FRMD3: variants seen among roughly 807,000 people sequenced by gnomAD.
FRMD3 encodes FERM domain containing 3.
FRMD3 carries 33 observed loss-of-function variants against 70.2 expected under a neutral mutation model. That is an observed-to-expected ratio of 0.47 (90% CI 0.36 to 0.63). FRMD3 has a LOEUF of 0.63. Among genes scored for constraint, FRMD3 ranks in the 20% least tolerant of loss-of-function variants. The probability of loss-of-function intolerance (pLI) is 0.00; values close to 1 mark genes in which losing one functional copy is unlikely to be tolerated. For synonymous variants in FRMD3, 279 were observed against 255.9 expected, an observed-to-expected ratio of 1.09 and a Z score of -0.86; for missense variants, 632 against 711.4, an observed-to-expected ratio of 0.89 and a Z score of 1.27.
intron 1 of FRMD3, among the ~76,000 whole-genome samples, chr9:83,520,322 T>C (rs1395165529): frequency 6.6e-6 from 1 of 152,182 alleles, no homozygotes; most frequent in Non-Finnish European, 1.5e-5. Flanking sequence ...TAAAGGCATA[T>C]GTATTTGCTG....
At chr9:83,528,055 C>A (rs568720421) in intron 1 of FRMD3, among the ~76,000 whole-genome samples, 30 of 152,286 alleles carry the variant, frequency 2.0e-4, no homozygotes, top group Admixed American at 1.8e-3. Flanking sequence ...AAAGAAGTAA[C>A]AACTTAATAA....
intron 10 of FRMD3, among the ~76,000 whole-genome samples, chr9:83,305,220 AGCAGGCATACCCCT>A (rs2131030801): frequency 6.6e-6 from 1 of 152,298 alleles, no homozygotes; most frequent in South Asian, 2.1e-4. Context: ...CAGTGAAGGA[AGCAGGCATACCCCT>A]GAGGTTACCA....
chr9:83,553,082 G>C, the FRMD3 span, among the ~76,000 whole-genome samples: 1 of 151,902 alleles, frequency 6.6e-6, no homozygotes. Context: ...CAGTTACTCT[G>C]GTCTGTATGT....
At chr9:83,393,505 T>TCC (rs1372538016) in intron 1 of FRMD3, among the ~76,000 whole-genome samples, 4 of 152,132 alleles carry the variant, frequency 2.6e-5, no homozygotes, top group Non-Finnish European at 5.9e-5. Context: ...ACTTTATTTC[T>TCC]ATTATTATTA....
At chr9:83,432,648 C>T (rs1827016278) in intron 1 of FRMD3, among the ~76,000 whole-genome samples, 1 of 152,094 alleles carries the variant, frequency 6.6e-6, no homozygotes, top group Admixed American at 6.5e-5. Flanking sequence ...TCATCCAATG[C>T]CTGAATAAAT....
rs754512599 is a variant in FRMD3, at chr9:83,335,646, T to C, written c.473-7A>G. On this transcript the variant is annotated splice_polypyrimidine_tract_variant and splice_region_variant and intron_variant, in intron 5 of 13. Transcript: ENST00000304195. Reference sequence around the variant, plus strand: ...TCGTAATCACCAAGCTCAGCTGTAATGAGTGAAAAAATAAAGAGACAGAGA... The same window carrying C: ...TCGTAATCACCAAGCTCAGCTGTAACGAGTGAAAAAATAAAGAGACAGAGA... The C allele has an allele frequency of 6.2e-7, 1 of 1,609,078 alleles. No individual in the cohort carries two copies. The highest frequency in any genetic ancestry group is 8.5e-7 in the Non-Finnish European group (1 of 1,177,932).
intron 13 of FRMD3, among the ~76,000 whole-genome samples, chr9:83,267,859 G>A (rs969324018): frequency 5.9e-5 from 9 of 152,194 alleles, no homozygotes; most frequent in African/African-American, 2.2e-4. Context: ...CAAGTGTTCA[G>A]TAGCTATATA....
At chr9:83,571,236 C>G in the FRMD3 span, among the ~76,000 whole-genome samples, 23 of 152,352 alleles carry the variant, frequency 1.5e-4, 1 homozygote, top group East Asian at 4.0e-3. Flanking sequence ...GCAAACTTCA[C>G]TCCTCTTCAC....
intron 1 of FRMD3, among the ~76,000 whole-genome samples, chr9:83,475,344 G>A (rs1271803100): frequency 6.6e-5 from 10 of 152,010 alleles, no homozygotes; most frequent in Non-Finnish European, 1.5e-4. Flanking sequence ...CAATGTAATA[G>A]AAGAAATTAA....
At chr9:83,456,717 C>T (rs1028016562) in intron 1 of FRMD3, among the ~76,000 whole-genome samples, 2 of 152,186 alleles carry the variant, frequency 1.3e-5, no homozygotes, top group African/African-American at 4.8e-5. Flanking sequence ...CAGTGGCTCA[C>T]ACCTGTAATC....
chr9:83,458,892 G>C (rs1827893812), intron 1 of FRMD3, among the ~76,000 whole-genome samples: 1 of 152,194 alleles, frequency 6.6e-6, no homozygotes, highest in Non-Finnish European at 1.5e-5. Context: ...TAAGAAGGTA[G>C]TCAGTTGGCC....
chr9:83,546,797 C>T, the FRMD3 span, among the ~76,000 whole-genome samples: 5 of 147,242 alleles, frequency 3.4e-5, no homozygotes, highest in African/African-American at 1.3e-4. Context: ...GAGGCTGAAG[C>T]ATGGGAATTA....
intron 1 of FRMD3, among the ~76,000 whole-genome samples, chr9:83,455,940 C>T (rs922105465): frequency 3.3e-5 from 5 of 152,160 alleles, no homozygotes; most frequent in African/African-American, 1.2e-4. Flanking sequence ...TTGGAAATCA[C>T]TTGTATACAT....
intron 1 of FRMD3, among the ~76,000 whole-genome samples, chr9:83,489,954 G>A (rs553643239): frequency 3.3e-4 from 50 of 152,244 alleles, no homozygotes; most frequent in Admixed American, 2.7e-3. Flanking sequence ...AAACACAAGA[G>A]GGCAACCAAG....
At chr9:83,519,814 T>TA (rs1322709424) in intron 1 of FRMD3, among the ~76,000 whole-genome samples, 1 of 152,116 alleles carries the variant, frequency 6.6e-6, no homozygotes, top group Non-Finnish European at 1.5e-5. Context: ...TATGCAGCCA[T>TA]AAAAAAGAAT....
At chr9:83,536,623 T>C (rs1829897678) in intron 1 of FRMD3, among the ~76,000 whole-genome samples, 1 of 152,180 alleles carries the variant, frequency 6.6e-6, no homozygotes, top group South Asian at 2.1e-4. Context: ...TTATTAAGTT[T>C]AGCAGTGCTG....
At chr9:83,414,633 A>C (rs544578561) in intron 1 of FRMD3, among the ~76,000 whole-genome samples, 48 of 152,220 alleles carry the variant, frequency 3.2e-4, no homozygotes, top group Non-Finnish European at 6.2e-4. Context: ...AAACTCCTAC[A>C]CATAAGCAGA....
intron 13 of FRMD3, among the ~76,000 whole-genome samples, chr9:83,254,602 ATTT>A (rs1259286085): frequency 6.6e-6 from 1 of 152,008 alleles, no homozygotes; most frequent in Non-Finnish European, 1.5e-5. Flanking sequence ...TAGACGCTGA[ATTT>A]TAGAAAAAAA....
intron 1 of FRMD3, among the ~76,000 whole-genome samples, chr9:83,395,066 A>G (rs1356768923): frequency 6.6e-6 from 1 of 152,232 alleles, no homozygotes; most frequent in African/African-American, 2.4e-5. Flanking sequence ...CTAGAAATTT[A>G]TCATCTCACA....
Sources: allele counts gnomAD v4.1 joint callset (sites outside exome capture counted in the v4.1 genomes callset), GRCh38; gene constraint gnomAD v4.1.1; transcripts MANE v1.5; gene names NCBI Gene and HGNC (gene_info 2026-07-23, HGNC 2026-07-21).